Variants in RFX3 observed in about 807,000 individuals in gnomAD.
RFX3 encodes the protein regulatory factor X3.
In RFX3, 14 loss-of-function variants were observed where a neutral mutation model predicts 98.6. That is an observed-to-expected ratio of 0.14 (90% CI 0.09 to 0.22). RFX3 has a LOEUF of 0.22. RFX3 is among the 10% of genes least tolerant of loss of function. The pLI, the probability that RFX3 is intolerant of heterozygous loss-of-function variation, is 1.00. For missense variants in RFX3, 639 were observed against 926.9 expected (o/e 0.69, Z 4.03); for synonymous variants, 383 against 328.4 (o/e 1.17, Z -1.80).
At chr9:3,288,958 T>C (rs934011975) in intron 6 of RFX3, among the ~76,000 whole-genome samples, 2 of 152,072 alleles carry the variant, frequency 1.3e-5, no homozygotes, top group African/African-American at 2.4e-5. Flanking sequence ...AAATGGCAAA[T>C]TTCCACCTGG....
At chr9:3,429,100 G>A (rs1270966766) in intron 1 of RFX3, among the ~76,000 whole-genome samples, 1 of 148,310 alleles carries the variant, frequency 6.7e-6, no homozygotes, top group African/African-American at 2.5e-5. Flanking sequence ...TCGGCTCACT[G>A]CAAGCTCCGC....
At chr9:3,425,785 G>A (rs778547125) in intron 1 of RFX3, among the ~76,000 whole-genome samples, 10 of 151,888 alleles carry the variant, frequency 6.6e-5, no homozygotes, top group Admixed American at 6.6e-4. Flanking sequence ...ACATATACTA[G>A]ACCATGAGGT....
At chr9:3,333,153 C>T (rs866387249) in intron 3 of RFX3, among the ~76,000 whole-genome samples, 18 of 152,186 alleles carry the variant, frequency 1.2e-4, no homozygotes, top group Middle Eastern at 3.4e-3. Context: ...GTATGGTAGA[C>T]GTAATAGCCA....
chr9:3,460,073 T>G (rs974316767), intron 1 of RFX3, among the ~76,000 whole-genome samples: 2 of 152,032 alleles, frequency 1.3e-5, no homozygotes, highest in Non-Finnish European at 2.9e-5. Context: ...TGGTTACATA[T>G]CAAAGGACCC....
chr9:3,344,779 A>G, intron 3 of RFX3: 1 of 693,858 alleles, frequency 1.4e-6, no homozygotes, highest in South Asian at 1.6e-5. Context: ...CTGAGAGCAT[A>G]AAGGTCGAAG....
rs141105825 is a variant in RFX3, at chr9:3,458,993, T to C, written c.-8-63397A>G. On this transcript the variant is annotated intron_variant, in intron 1 of 16. Coordinates refer to ENST00000617270, the MANE Select transcript of RFX3 (RefSeq NM_001282116.2). ...CTGAATTAAATAAATGCTAAGAATT[T>C]CACCAAATTGAAGATCTGTTCATTT... is the stretch of plus-strand genomic sequence containing the variant. Among the ~76,000 whole-genome samples the C allele has an allele frequency of 5.3e-3, 809 of 152,226 alleles. 6 individuals are homozygous for C. Among genetic ancestry groups the C allele is most frequent in the Non-Finnish European group, 7.1e-3 (480 of 67,988 alleles).
chr9:3,471,482 T>A (rs1484537882), intron 1 of RFX3, among the ~76,000 whole-genome samples: 2 of 152,250 alleles, frequency 1.3e-5, no homozygotes, highest in South Asian at 4.1e-4. Flanking sequence ...CTTCAACATA[T>A]CTTTGAAACA....
chr9:3,429,925 C>G (rs559318256), intron 1 of RFX3, among the ~76,000 whole-genome samples: 1 of 152,208 alleles, frequency 6.6e-6, no homozygotes, highest in African/African-American at 2.4e-5. Context: ...CCACGGCCCA[C>G]TTGCAGAGCC....
At chr9:3,455,904 G>C (rs1847106329) in intron 1 of RFX3, among the ~76,000 whole-genome samples, 1 of 152,176 alleles carries the variant, frequency 6.6e-6, no homozygotes, top group Non-Finnish European at 1.5e-5. Context: ...TTGTGTTTTA[G>C]TTTGTGCTGA....
At chr9:3,316,816 G>A (rs1021111140) in intron 4 of RFX3, among the ~76,000 whole-genome samples, 1 of 152,172 alleles carries the variant, frequency 6.6e-6, no homozygotes, top group African/African-American at 2.4e-5. Context: ...TATAAGGGAT[G>A]TGAAGGACCT....
chr9:3,244,963 C>T (rs1056087086), intron 15 of RFX3, among the ~76,000 whole-genome samples: 5 of 152,066 alleles, frequency 3.3e-5, no homozygotes, highest in South Asian at 2.1e-4. Flanking sequence ...AAATCAGTTT[C>T]GGAGATCAGA....
At chr9:3,475,308 A>G (rs1324201084) in intron 1 of RFX3, among the ~76,000 whole-genome samples, 1 of 151,942 alleles carries the variant, frequency 6.6e-6, no homozygotes, top group Non-Finnish European at 1.5e-5. Context: ...GAGATAAAAG[A>G]AAAGACAGCT....
intron 1 of RFX3, among the ~76,000 whole-genome samples, chr9:3,498,221 C>T (rs891986612): frequency 6.6e-6 from 1 of 151,942 alleles, no homozygotes; most frequent in African/African-American, 2.4e-5. Context: ...GGAATATCAC[C>T]GATACTTTTA....
intron 15 of RFX3, among the ~76,000 whole-genome samples, chr9:3,229,577 A>AGAAAACACATTT (rs1818219979): frequency 1.3e-5 from 2 of 152,124 alleles, no homozygotes; most frequent in Non-Finnish European, 2.9e-5. Flanking sequence ...TAATTTTCCA[A>AGAAAACACATTT]TGAGAAAACA....
In RFX3 at chr9:3,318,038, G is replaced by T. The variant is rs200488184; in HGVS notation, c.474+12221C>A. ...CATTACTGGGTACGTACCCAAAGGA[G>T]TATAAATCATGCTGCTATAAAGACA... On this transcript the variant is annotated intron_variant, in intron 4 of 16. Transcript: ENST00000617270. Among the ~76,000 whole-genome samples, 15 of 152,242 alleles carry T rather than the reference G, an allele frequency of 9.9e-5. 2 individuals carry two copies. Among genetic ancestry groups the T allele is most frequent in the African/African-American group, 3.4e-4 (14 of 41,542 alleles).
At chr9:3,477,168 T>C (rs1466643898) in intron 1 of RFX3, among the ~76,000 whole-genome samples, 2 of 152,146 alleles carry the variant, frequency 1.3e-5, no homozygotes, top group Admixed American at 1.3e-4. Flanking sequence ...CAATACAGAA[T>C]CACAATTTAT....
intron 2 of RFX3, among the ~76,000 whole-genome samples, chr9:3,357,880 T>A (rs1835961963): frequency 6.6e-6 from 1 of 152,062 alleles, no homozygotes; most frequent in South Asian, 2.1e-4. Flanking sequence ...ATAATATATA[T>A]TTTAAAAATG....
At chr9:3,504,349 GCA>G (rs1816460244) in intron 1 of RFX3, among the ~76,000 whole-genome samples, 1 of 115,170 alleles carries the variant, frequency 8.7e-6, no homozygotes, top group African/African-American at 3.8e-5. Context: ...ATGCCACATA[GCA>G]TATATTGTAT....
At chr9:3,291,994 T>G (rs141988658) in intron 6 of RFX3, among the ~76,000 whole-genome samples, 1 of 129,338 alleles carries the variant, frequency 7.7e-6, no homozygotes, top group African/African-American at 3.0e-5. Flanking sequence ...GAGGCAGAGG[T>G]TGCAGTGAGC....
Sources: gnomAD v4.1 joint callset for allele counts (sites outside exome capture counted in the v4.1 genomes callset) on GRCh38, gnomAD v4.1.1 for gene constraint, MANE v1.5 for transcripts, NCBI Gene and HGNC (gene_info 2026-07-23, HGNC 2026-07-21) for gene names.